MAGI2: variants seen among roughly 807,000 people sequenced by gnomAD.
MAGI2 encodes membrane associated guanylate kinase, WW and PDZ domain containing 2, also known as membrane-associated guanylate kinase, WW and PDZ domain-containing protein 2.
A neutral mutation model predicts 133.3 loss-of-function variants in MAGI2; 35 were observed. The observed-to-expected ratio is 0.26, with a 90% confidence interval of 0.20 to 0.35. The LOEUF is 0.35. Ranked by LOEUF, MAGI2 falls within the 10% of genes least tolerant of loss-of-function variation. The pLI is 1.00. For missense variants in MAGI2, 1,636 were observed against 1,863.4 expected (o/e 0.88, Z 2.25); for synonymous variants, 729 against 710.6 (o/e 1.03, Z -0.41).
At chr7:78,896,972 C>T (rs1299683203) in intron 2 of MAGI2, among the ~76,000 whole-genome samples, 1 of 152,068 alleles carries the variant, frequency 6.6e-6, no homozygotes, top group South Asian at 2.1e-4. Flanking sequence ...GTTTAAAATG[C>T]TCATTTCTAA....
intron 9 of MAGI2, among the ~76,000 whole-genome samples, chr7:78,300,625 G>C (rs760860634): frequency 1.3e-5 from 2 of 152,154 alleles, no homozygotes; most frequent in Non-Finnish European, 2.9e-5. Context: ...GTTGATATGC[G>C]TAAGTTAATT....
chr7:78,044,704 T>C (rs952971847), intron 21 of MAGI2, among the ~76,000 whole-genome samples: 1 of 121,232 alleles, frequency 8.2e-6, no homozygotes, highest in East Asian at 2.4e-4. Context: ...TGTGTGTGTG[T>C]GCACGTGTGC....
intron 3 of MAGI2, among the ~76,000 whole-genome samples, chr7:78,562,397 C>T (rs1800499249): frequency 6.6e-6 from 1 of 152,144 alleles, no homozygotes; most frequent in Admixed American, 6.5e-5. Flanking sequence ...CACACAAAAG[C>T]CAGCAGAATT....
chr7:79,355,509 A>G (rs1157713649), intron 1 of MAGI2, among the ~76,000 whole-genome samples: 1 of 152,210 alleles, frequency 6.6e-6, no homozygotes, highest in Non-Finnish European at 1.5e-5. Flanking sequence ...TTTAAATTAT[A>G]ACTACATTTA....
chr7:79,442,411 T>G (rs1344931319), intron 1 of MAGI2, among the ~76,000 whole-genome samples: 1 of 152,024 alleles, frequency 6.6e-6, no homozygotes, highest in Non-Finnish European at 1.5e-5. Flanking sequence ...TTTCCGAGAC[T>G]ATTTATTTAA....
intron 2 of MAGI2, among the ~76,000 whole-genome samples, chr7:78,721,834 TTTC>T (rs1301288651): frequency 4.6e-5 from 7 of 151,888 alleles, no homozygotes; most frequent in Non-Finnish European, 8.8e-5. Context: ...TAATTTTTAT[TTTC>T]TTCAAGAGAA....
At chr7:78,689,944 C>T (rs1314105797) in intron 2 of MAGI2, among the ~76,000 whole-genome samples, 3 of 151,922 alleles carry the variant, frequency 2.0e-5, no homozygotes, top group Non-Finnish European at 4.4e-5. Flanking sequence ...ATTTTAACTA[C>T]ATGTTTATCT....
intron 1 of MAGI2, among the ~76,000 whole-genome samples, chr7:79,063,762 G>A (rs940678724): frequency 6.6e-6 from 1 of 151,834 alleles, no homozygotes; most frequent in African/African-American, 2.4e-5. Context: ...AAATTAAAAC[G>A]TTAACACAAA....
chr7:78,826,083 T>G (rs1168701243), intron 2 of MAGI2, among the ~76,000 whole-genome samples: 2 of 152,064 alleles, frequency 1.3e-5, no homozygotes, highest in African/African-American at 4.8e-5. Flanking sequence ...CCAGGCACGG[T>G]GGCTCACACC....
At chr7:78,669,249 A>G (rs1433060028) in intron 2 of MAGI2, among the ~76,000 whole-genome samples, 1 of 152,114 alleles carries the variant, frequency 6.6e-6, no homozygotes, top group Non-Finnish European at 1.5e-5. Context: ...ATCACCACCG[A>G]TCCCACAGAA....
At chr7:78,692,880 C>G (rs1817115641) in intron 2 of MAGI2, among the ~76,000 whole-genome samples, 1 of 152,116 alleles carries the variant, frequency 6.6e-6, no homozygotes, top group African/African-American at 2.4e-5. Flanking sequence ...AATTTAAAAG[C>G]CTCCCTATCA....
chr7:78,164,313 T>C (rs1180632426), intron 15 of MAGI2, among the ~76,000 whole-genome samples: 2 of 152,228 alleles, frequency 1.3e-5, no homozygotes, highest in African/African-American at 2.4e-5. Flanking sequence ...ATATTTTGCC[T>C]TGAAGCATGG....
intron 2 of MAGI2, among the ~76,000 whole-genome samples, chr7:78,782,658 G>A (rs1003672023): frequency 2.0e-5 from 3 of 152,082 alleles, no homozygotes; most frequent in African/African-American, 7.2e-5. Context: ...AAATGACACT[G>A]AGAAAGACTG....
chr7:79,141,747 G>A (rs1479133391), intron 1 of MAGI2, among the ~76,000 whole-genome samples: 2 of 148,316 alleles, frequency 1.3e-5, no homozygotes, highest in African/African-American at 2.6e-5. Context: ...GGCTTTGTTC[G>A]TGTTTTTTTT....
intron 20 of MAGI2, among the ~76,000 whole-genome samples, chr7:78,102,905 T>G (rs1194138248): frequency 1.3e-5 from 2 of 152,206 alleles, no homozygotes; most frequent in Non-Finnish European, 2.9e-5. Flanking sequence ...CTTATTTTCC[T>G]GCTTCCATAC....
chr7:78,392,676 T>C (rs1796001481), intron 6 of MAGI2, among the ~76,000 whole-genome samples: 1 of 152,202 alleles, frequency 6.6e-6, no homozygotes, highest in Admixed American at 6.5e-5. Context: ...TTTATTTCGC[T>C]CCTGTTGCTT....
At chr7:78,038,007 C>T (rs186103173) in intron 21 of MAGI2, among the ~76,000 whole-genome samples, 3 of 152,352 alleles carry the variant, frequency 2.0e-5, no homozygotes, top group South Asian at 2.1e-4. Context: ...GCGTCACCTA[C>T]TCAGAGAGGC....
intron 1 of MAGI2, among the ~76,000 whole-genome samples, chr7:79,383,902 C>T (rs1201315009): frequency 2.0e-5 from 3 of 150,568 alleles, no homozygotes; most frequent in Non-Finnish European, 4.5e-5. Context: ...AAGAATAAGG[C>T]AAGAGTAATA....
At chr7:78,285,683 A>G (rs1340369352) in intron 9 of MAGI2, 1 of 152,136 alleles carries the variant, frequency 6.6e-6, no homozygotes, top group African/African-American at 2.4e-5. Context: ...AGTGTTTCTT[A>G]AAGTTGAATG....
Sources: allele counts gnomAD v4.1 joint callset (sites outside exome capture counted in the v4.1 genomes callset), GRCh38; gene constraint gnomAD v4.1.1; transcripts MANE v1.5; gene names NCBI Gene and HGNC (gene_info 2026-07-23, HGNC 2026-07-21).